The following TACR3 variants were observed in gnomAD, a reference collection of about 807,000 sequenced individuals.
TACR3 encodes tachykinin receptor 3, also known as neuromedin-K receptor.
In TACR3, 34 loss-of-function variants were observed where a neutral mutation model predicts 35.0. The observed-to-expected ratio is 0.97, with a 90% CI of 0.74 to 1.30. The LOEUF is 1.30. Among genes scored for constraint, TACR3 ranks in the 50% most tolerant of loss-of-function variants. The pLI is 0.00. For synonymous variants in TACR3, 233 were observed against 221.1 expected (o/e 1.05, Z -0.48); for missense variants, 558 against 591.7 (o/e 0.94, Z 0.59).
intron 1 of TACR3, among the ~76,000 whole-genome samples, chr4:103,686,818 C>A (rs891061982): frequency 6.6e-6 from 1 of 152,086 alleles, no homozygotes; most frequent in Admixed American, 6.5e-5. Context: ...ACCAGAGGTA[C>A]AAGGAGGAAC....
rs913414146 is a variant in TACR3, at chr4:103,719,458, T to C, written c.218A>G (p.Asn73Ser). ...ASPAPSQPWA[N>S]LTNQFVQPSW... ...CGGCTGCACGAACTGGTTGGTGAGG[T>C]TGGCCCAGGGCTGGGAGGGCGCGGG... The change falls in exon 1 of 5, where the codon AAC becomes AGC. Residue 73 changes from asparagine (N) to serine (S), a missense_variant. Asn to Ser is a conservative substitution (Grantham distance 46). Transcript: ENST00000304883. The C allele has an allele frequency of 1.2e-6, 2 of 1,614,004 alleles. No individual in the cohort carries two copies. Among genetic ancestry groups the C allele is most frequent in the African/African-American group, 2.7e-5 (2 of 74,904 alleles).
intron 1 of TACR3, among the ~76,000 whole-genome samples, chr4:103,711,264 C>T (rs901128446): frequency 2.0e-5 from 3 of 152,010 alleles, no homozygotes; most frequent in African/African-American, 4.8e-5. Flanking sequence ...GCAAACAGAA[C>T]CCAGCAGCAC....
rs1025892697 is a variant in TACR3, at chr4:103,586,044, ATTAGTT to A, written c.*3632_*3637del. 1.3e-5 allele frequency: 2 copies of A among 152,062 alleles called. No individual in the cohort carries two copies. Among genetic ancestry groups the A allele is most frequent in the African/African-American group, 4.8e-5 (2 of 41,420 alleles). 9.4% of individuals were successfully genotyped at this position (152,062 alleles called of 1,614,324 possible). A position where few individuals can be genotyped will look rare whatever the true frequency, so the allele number is the denominator to read the frequency against. On this transcript the variant is annotated 3_prime_UTR_variant, in exon 5 of 5. Transcript: ENST00000304883. ...TAGTAAGACTTCTTTTACTTTTAAT[ATTAGTT>A]TTAATGTTTTTAAAGAAAAAATAGA...
chr4:103,689,880 A>T (rs1201681492), intron 1 of TACR3, among the ~76,000 whole-genome samples: 2 of 152,190 alleles, frequency 1.3e-5, no homozygotes, highest in Non-Finnish European at 2.9e-5. Flanking sequence ...AAAGATCTGC[A>T]CCTAGGCACA....
intron 3 of TACR3, among the ~76,000 whole-genome samples, chr4:103,640,309 C>CT (rs940079575): frequency 3.6e-4 from 54 of 151,874 alleles, no homozygotes; most frequent in African/African-American, 1.2e-3. Flanking sequence ...TTTAAAAAGG[C>CT]TTTTTTTGGC....
Position 103,586,900 on chromosome 4 carries a change from A to G in TACR3, c.*2782T>C, listed in dbSNP as rs1723781845. ...ATTTTTGATTTAATGTATTTTGTTT[A>G]AAAGAGAATACTTACAATGATGTAA... On this transcript the variant is annotated 3_prime_UTR_variant, in exon 5 of 5. Transcript: ENST00000304883. The G allele has an allele frequency of 6.6e-6, 1 of 152,102 alleles. No individual in the cohort carries two copies. The highest frequency in any genetic ancestry group is 2.4e-5 in the African/African-American group (1 of 41,402). 9.4% of individuals were successfully genotyped at this position (152,102 alleles called of 1,614,324 possible).
chr4:103,695,969 T>C (rs1722512075), intron 1 of TACR3, among the ~76,000 whole-genome samples: 1 of 152,214 alleles, frequency 6.6e-6, no homozygotes, highest in South Asian at 2.1e-4. Context: ...GGTTACCTTT[T>C]CTGTAGCTGT....
intron 3 of TACR3, among the ~76,000 whole-genome samples, chr4:103,613,023 T>C (rs1345841313): frequency 6.6e-6 from 1 of 152,238 alleles, no homozygotes. Flanking sequence ...GAGAGTGTTA[T>C]AAAGTTTCCC....
intron 1 of TACR3, among the ~76,000 whole-genome samples, chr4:103,680,526 CAT>C (rs950026802): frequency 2.8e-5 from 4 of 143,584 alleles, no homozygotes; most frequent in Admixed American, 6.8e-5. Context: ...TATATATACA[CAT>C]ATATATACAT....
At chr4:103,591,380 C>T (rs1578215733) in intron 4 of TACR3, 107 bp downstream of exon 4, 3 of 1,359,120 alleles carry the variant, frequency 2.2e-6, no homozygotes, top group African/African-American at 1.4e-5. Context: ...TTAAATTTTC[C>T]CTTCCTTCTG....
intron 1 of TACR3, among the ~76,000 whole-genome samples, chr4:103,673,351 T>G (rs1282739294): frequency 6.6e-6 from 1 of 152,182 alleles, no homozygotes; most frequent in African/African-American, 2.4e-5. Flanking sequence ...CGAGTGACAT[T>G]GTGACTCTTT....
At chr4:103,636,052 A>G (rs1193091892) in intron 3 of TACR3, among the ~76,000 whole-genome samples, 1 of 151,986 alleles carries the variant, frequency 6.6e-6, no homozygotes, top group Admixed American at 6.6e-5. Flanking sequence ...AATTTCTCAA[A>G]AATAAACAGC....
chr4:103,685,120 G>A (rs897808221), intron 1 of TACR3, among the ~76,000 whole-genome samples: 3 of 151,984 alleles, frequency 2.0e-5, no homozygotes, highest in Non-Finnish European at 4.4e-5. Flanking sequence ...TCACATTTAA[G>A]AACTTCTGTG....
chr4:103,622,729 A>G (rs1346122846), intron 3 of TACR3, among the ~76,000 whole-genome samples: 4 of 152,134 alleles, frequency 2.6e-5, no homozygotes, highest in Non-Finnish European at 4.4e-5. Flanking sequence ...TATGTGGCCA[A>G]TTGAACCTCC....
At chr4:103,689,405 G>GA (rs1052906869) in intron 1 of TACR3, among the ~76,000 whole-genome samples, 7 of 151,156 alleles carry the variant, frequency 4.6e-5, no homozygotes, top group African/African-American at 7.3e-5. Flanking sequence ...TATAATAATT[G>GA]AAAAAAAGAA....
chr4:103,650,644 TAATA>T (rs1725576080), intron 3 of TACR3, among the ~76,000 whole-genome samples: 1 of 64,658 alleles, frequency 1.5e-5, no homozygotes. Flanking sequence ...AATATATATT[TAATA>T]TATATAAATA....
chr4:103,682,534 A>C (rs1481772501), intron 1 of TACR3, among the ~76,000 whole-genome samples: 2 of 152,048 alleles, frequency 1.3e-5, no homozygotes, highest in Non-Finnish European at 2.9e-5. Flanking sequence ...AACCACCCCC[A>C]TGATTCAATC....
At chr4:103,598,274 T>C (rs1388373284) in intron 3 of TACR3, among the ~76,000 whole-genome samples, 12 of 152,238 alleles carry the variant, frequency 7.9e-5, no homozygotes, top group South Asian at 6.2e-4. Context: ...TCTGTTCATA[T>C]CCTTCGCCCA....
intron 3 of TACR3, among the ~76,000 whole-genome samples, chr4:103,654,258 T>G (rs1326720947): frequency 6.6e-6 from 1 of 151,528 alleles, no homozygotes; most frequent in Non-Finnish European, 1.5e-5. Flanking sequence ...GTATGTTTAT[T>G]GTGGCACTAT....
Sources: allele counts gnomAD v4.1 joint callset (sites outside exome capture counted in the v4.1 genomes callset), GRCh38; gene constraint gnomAD v4.1.1; transcripts MANE v1.5; gene names NCBI Gene and HGNC (gene_info 2026-07-23, HGNC 2026-07-21).